PARD3B: variants seen among roughly 807,000 people sequenced by gnomAD.
PARD3B encodes partitioning defective 3 homolog B.
PARD3B carries 103 observed loss-of-function variants against 130.2 expected under a neutral mutation model. The observed-to-expected ratio is 0.79, with a 90% confidence interval of 0.67 to 0.93. The LOEUF is 0.93. Among genes scored for constraint, PARD3B ranks in the 40% least tolerant of loss-of-function variants. The pLI, the probability that PARD3B is intolerant of heterozygous loss-of-function variation, is 0.00. For missense variants in PARD3B, 1,609 were observed against 1,499.2 expected (o/e 1.07, Z -1.21); for synonymous variants, 583 against 553.2 (o/e 1.05, Z -0.76).
chr2:205,399,509 G>A (rs908410933), intron 18 of PARD3B, among the ~76,000 whole-genome samples: 2 of 151,398 alleles, frequency 1.3e-5, no homozygotes, highest in African/African-American at 2.4e-5. Flanking sequence ...CATGCACCAC[G>A]ACGCCCGGCT....
rs180942783 is a variant in PARD3B at position 204,553,562 on chromosome 2, A to G, written c.120+7443A>G. Among the ~76,000 whole-genome samples, 180 of 135,520 alleles carry G rather than the reference A, an allele frequency of 1.3e-3. 1 individual carries two copies. Among genetic ancestry groups the G allele is most frequent in the African/African-American group, 4.3e-3 (149 of 34,770 alleles). 88.9% of individuals were successfully genotyped at this position (135,520 alleles called of 152,430 possible). A position where few individuals can be genotyped will look rare whatever the true frequency, so the allele number is the denominator to read the frequency against. ...GGTGTGTGTGTGTGTGTGTGTGTGT[A>G]TATATATATATGTATATATAAGGCT... On this transcript the variant is annotated intron_variant, in intron 1 of 22. Coordinates refer to ENST00000406610, the MANE Select transcript of PARD3B (RefSeq NM_001302769.2).
At chr2:204,639,475 T>C (rs893291441) in intron 1 of PARD3B, among the ~76,000 whole-genome samples, 4 of 152,196 alleles carry the variant, frequency 2.6e-5, no homozygotes, top group Admixed American at 6.5e-5. Context: ...TTCAACGAAA[T>C]GCAGATCGAA....
At chr2:205,415,407 T>C (rs2046740613) in intron 19 of PARD3B, among the ~76,000 whole-genome samples, 1 of 152,160 alleles carries the variant, frequency 6.6e-6, no homozygotes. Flanking sequence ...TTTTACAAAA[T>C]GTTAAGAAAT....
intron 2 of PARD3B, among the ~76,000 whole-genome samples, chr2:204,937,222 T>A (rs1300665966): frequency 6.6e-6 from 1 of 152,254 alleles, no homozygotes; most frequent in Non-Finnish European, 1.5e-5. Context: ...TTTTGCAGTT[T>A]ACTTTTTTTC....
chr2:204,747,111 G>T (rs2040267160), intron 2 of PARD3B, among the ~76,000 whole-genome samples: 1 of 152,174 alleles, frequency 6.6e-6, no homozygotes, highest in South Asian at 2.1e-4. Context: ...ATGGTTTTAG[G>T]TCTAACGTTT....
At chr2:205,506,185 T>C (rs2050356574) in intron 21 of PARD3B, among the ~76,000 whole-genome samples, 1 of 152,078 alleles carries the variant, frequency 6.6e-6, no homozygotes. Context: ...ATACAAAAAT[T>C]AGCTGGGCAT....
chr2:204,982,840 T>C (rs1692790803), intron 3 of PARD3B, among the ~76,000 whole-genome samples: 1 of 152,244 alleles, frequency 6.6e-6, no homozygotes, highest in Non-Finnish European at 1.5e-5. Context: ...AAAAGTAATC[T>C]ATTTTATGAA....
intron 20 of PARD3B, among the ~76,000 whole-genome samples, chr2:205,444,641 C>T (rs1458133008): frequency 1.3e-5 from 2 of 152,088 alleles, no homozygotes; most frequent in Non-Finnish European, 2.9e-5. Context: ...GAAAATAGCT[C>T]TTCCAACTTG....
intron 4 of PARD3B, among the ~76,000 whole-genome samples, chr2:205,064,802 CAG>C (rs1161396920): frequency 1.3e-5 from 2 of 152,266 alleles, no homozygotes; most frequent in Non-Finnish European, 2.9e-5. Context: ...ATAAAAAAGT[CAG>C]TGTGCAAATT....
At chr2:205,544,431 G>T (rs2106469438) in intron 21 of PARD3B, among the ~76,000 whole-genome samples, 1 of 152,148 alleles carries the variant, frequency 6.6e-6, no homozygotes, top group Non-Finnish European at 1.5e-5. Flanking sequence ...TGTTGGCAAG[G>T]CACATACGCA....
intron 1 of PARD3B, among the ~76,000 whole-genome samples, chr2:204,658,576 C>T (rs1427599270): frequency 5.9e-5 from 9 of 151,828 alleles, no homozygotes; most frequent in East Asian, 3.9e-4. Context: ...GAGGAATGAC[C>T]GAAGGCAAAA....
rs1349173560 is a variant in PARD3B, at chr2:205,563,711, A to C, written c.3260+10308A>C. Among the ~76,000 whole-genome samples, 1 of 152,218 alleles carries C rather than the reference A, an allele frequency of 6.6e-6. No individual in the cohort carries two copies. Among genetic ancestry groups the C allele is most frequent in the African/African-American group, 2.4e-5 (1 of 41,470 alleles). On this transcript the variant is annotated intron_variant, in intron 22 of 22. Coordinates refer to ENST00000406610, the MANE Select transcript of PARD3B (RefSeq NM_001302769.2). This position sits in a 1 kb window ranked among gnomAD's most constrained non-coding sequence, Gnocchi z 4.2. ...AGGGAATTTATGGGAAATAAAGAAA[A>C]ACACTTTTGAATCACACACTTTTTC...
In PARD3B at chr2:205,020,437, G is replaced by A. The variant is rs544291843; in HGVS notation, c.395-27144G>A. The stretch of plus-strand genomic sequence containing the variant: ...AAACTAGAAGCATACTAGGTGCTTA[G>A]TGCATCTTTGTTGAGTTAAATAAGA... On this transcript the variant is annotated intron_variant, in intron 3 of 22. Transcript: ENST00000406610. 3.7e-4 allele frequency among the ~76,000 whole-genome samples: 56 copies of A among 152,204 alleles called. No individual in the cohort carries two copies. In the South Asian group the frequency reaches 8.9e-3, roughly 24 times the overall value.
rs11895869 is a variant in PARD3B, at chr2:205,542,857, G to A, written c.3181-10467G>A. On this transcript the variant is annotated intron_variant, in intron 21 of 22. Transcript: ENST00000406610. Reference sequence around the variant, plus strand: ...CTATTTATAGTTTATTTTTTATTTTGTAAGGAATATGAAAAGCCAGGACTG... The same window carrying A: ...CTATTTATAGTTTATTTTTTATTTTATAAGGAATATGAAAAGCCAGGACTG... Among the ~76,000 whole-genome samples the A allele has an allele frequency of 1.5e-3, 230 of 152,124 alleles. 1 individual carries two copies. Among genetic ancestry groups the A allele is most frequent in the African/African-American group, 5.3e-3 (220 of 41,476 alleles).
intron 1 of PARD3B, among the ~76,000 whole-genome samples, chr2:204,618,211 C>T (rs887847653): frequency 2.0e-5 from 3 of 152,118 alleles, no homozygotes; most frequent in Admixed American, 1.3e-4. Flanking sequence ...AGAATTTTCA[C>T]CCGGGATCAC....
At chr2:205,124,523 A>G in intron 9 of PARD3B, 57 bp downstream of exon 9, 1 of 1,307,908 alleles carries the variant, frequency 7.6e-7, no homozygotes, top group Non-Finnish European at 1.0e-6. Context: ...AAATAATGCC[A>G]TTTAATTGCA....
intron 2 of PARD3B, among the ~76,000 whole-genome samples, chr2:204,751,587 G>T (rs1484508404): frequency 1.3e-5 from 2 of 152,164 alleles, no homozygotes; most frequent in African/African-American, 4.8e-5. Context: ...TTCTGCTATA[G>T]AATTTCCACC....
At chr2:205,195,061 A>G (rs1161854036) in intron 15 of PARD3B, among the ~76,000 whole-genome samples, 1 of 151,518 alleles carries the variant, frequency 6.6e-6, no homozygotes, top group East Asian at 1.9e-4. Flanking sequence ...GGCCTCCCAA[A>G]GTGCTGGGAT....
chr2:204,772,696 A>G (rs1031571105), intron 2 of PARD3B, among the ~76,000 whole-genome samples: 2 of 152,208 alleles, frequency 1.3e-5, no homozygotes, highest in African/African-American at 2.4e-5. Context: ...CAGTTCCTCC[A>G]TAAAATTACA....
Sources: gnomAD v4.1 joint callset for allele counts (sites outside exome capture counted in the v4.1 genomes callset) on GRCh38, gnomAD v4.1.1 for gene constraint, Gnocchi (gnomAD v3.1) non-coding constraint, MANE v1.5 for transcripts, NCBI Gene and HGNC (gene_info 2026-07-23, HGNC 2026-07-21) for gene names.